Variants in TMEM132D observed in about 807,000 individuals in gnomAD.
TMEM132D encodes mature OL transmembrane protein.
In TMEM132D, 21 loss-of-function variants were observed where a neutral mutation model predicts 62.3. The ratio of observed to expected loss-of-function variants is 0.34; its 90% CI spans 0.24 to 0.49. The LOEUF is 0.49. Among genes scored for constraint, TMEM132D ranks in the 20% least tolerant of loss-of-function variants. The pLI is 0.99. For missense variants in TMEM132D, 1,346 were observed against 1,402.8 expected, an observed-to-expected ratio of 0.96 and a Z score of 0.65; for synonymous variants, 621 against 575.6, an observed-to-expected ratio of 1.08 and a Z score of -1.13.
chr12:129,478,528 T>A (rs1010358045), intron 3 of TMEM132D, among the ~76,000 whole-genome samples: 3 of 152,156 alleles, frequency 2.0e-5, no homozygotes, highest in African/African-American at 7.2e-5. Flanking sequence ...GGCCCTTGAT[T>A]TTTGGAACAG....
chr12:129,096,871 C>G (rs1171310325), intron 5 of TMEM132D, among the ~76,000 whole-genome samples: 1 of 152,180 alleles, frequency 6.6e-6, no homozygotes, highest in African/African-American at 2.4e-5. Flanking sequence ...TTTACACAAC[C>G]TCAAATTTCC....
chr12:129,244,368 A>G (rs1566009785), intron 4 of TMEM132D, among the ~76,000 whole-genome samples: 2 of 132,802 alleles, frequency 1.5e-5, no homozygotes, highest in Non-Finnish European at 3.2e-5. Context: ...CCTGGGCGAC[A>G]GAGCGAGACT....
At chr12:129,395,332 C>T (rs1216752371) in intron 3 of TMEM132D, among the ~76,000 whole-genome samples, 2 of 152,118 alleles carry the variant, frequency 1.3e-5, no homozygotes, top group Non-Finnish European at 2.9e-5. Context: ...ATACTCATAA[C>T]CTGAAGTCCA....
At chr12:129,357,270 A>G (rs1300072671) in intron 3 of TMEM132D, among the ~76,000 whole-genome samples, 3 of 149,388 alleles carry the variant, frequency 2.0e-5, no homozygotes, top group Non-Finnish European at 4.4e-5. Context: ...GAAAAGAAAG[A>G]AGGGAGGGAG....
At chr12:129,529,136 C>A (rs1876143281) in intron 3 of TMEM132D, among the ~76,000 whole-genome samples, 1 of 152,136 alleles carries the variant, frequency 6.6e-6, no homozygotes, top group African/African-American at 2.4e-5. Flanking sequence ...GAAACATATC[C>A]TGGCCTCCAG....
intron 1 of TMEM132D, among the ~76,000 whole-genome samples, chr12:129,717,687 TATTAA>T (rs1306297097): frequency 4.7e-5 from 7 of 150,448 alleles, no homozygotes; most frequent in African/African-American, 1.5e-4. Context: ...TTTAATATTT[TATTAA>T]ATTAAAATAA....
intron 5 of TMEM132D, among the ~76,000 whole-genome samples, chr12:129,178,882 C>G (rs1337604106): frequency 3.3e-5 from 5 of 152,160 alleles, no homozygotes; most frequent in African/African-American, 1.2e-4. Flanking sequence ...AAAGGAACAC[C>G]AGCAGATGTA....
intron 4 of TMEM132D, chr12:129,212,276 G>A (rs1879077004): frequency 6.6e-6 from 1 of 152,198 alleles, no homozygotes; most frequent in African/African-American, 2.4e-5. Context: ...CTTTTTCTCT[G>A]AATAGCATAC....
chr12:129,446,764 C>T (rs7956859), intron 3 of TMEM132D, among the ~76,000 whole-genome samples: 2,718 of 152,210 alleles, frequency 0.018, 88 homozygotes, highest in African/African-American at 0.062. Flanking sequence ...TTTGATTTTT[C>T]ACAATTTCCC....
chr12:129,220,289 T>C (rs549984576), intron 4 of TMEM132D, among the ~76,000 whole-genome samples: 3 of 152,076 alleles, frequency 2.0e-5, no homozygotes, highest in African/African-American at 7.2e-5. Context: ...TAGAACCTCA[T>C]TGCCTCTCCC....
chr12:129,774,494 TG>T (rs1240725419), intron 1 of TMEM132D, among the ~76,000 whole-genome samples: 2 of 152,094 alleles, frequency 1.3e-5, no homozygotes, highest in Non-Finnish European at 2.9e-5. Flanking sequence ...ATCAAGCAGG[TG>T]GGGGGCCCGT....
intron 2 of TMEM132D, among the ~76,000 whole-genome samples, chr12:129,610,919 C>A (rs1878758956): frequency 6.6e-6 from 1 of 152,128 alleles, no homozygotes; most frequent in Admixed American, 6.5e-5. Flanking sequence ...ACAGACAGAT[C>A]AAGGCACTGG....
Position 129,253,644 on chromosome 12 carries a change from T to C in TMEM132D, c.1300-43981A>G, listed in dbSNP as rs541571766. On this transcript the variant is annotated intron_variant, in intron 4 of 8. Coordinates refer to ENST00000422113, the MANE Select transcript of TMEM132D (RefSeq NM_133448.3). ...AGCCAGCAGTGAGTTTTCTCCTCCATGTCTCAACTGAACTCAGCATCTTGC... is the reference window on the plus strand; with the variant it reads ...AGCCAGCAGTGAGTTTTCTCCTCCACGTCTCAACTGAACTCAGCATCTTGC... Among the ~76,000 whole-genome samples, 13 of 152,358 alleles carry C rather than the reference T, an allele frequency of 8.5e-5. No individual in the cohort carries two copies. The South Asian group carries it at 2.5e-3, about 29-fold the overall frequency.
At chr12:129,866,060 T>C (rs1874048524) in intron 1 of TMEM132D, among the ~76,000 whole-genome samples, 1 of 152,170 alleles carries the variant, frequency 6.6e-6, no homozygotes, top group African/African-American at 2.4e-5. Context: ...CCACACCCCC[T>C]GGGTTTAAAA....
At chr12:129,492,312 A>C (rs1338485142) in intron 3 of TMEM132D, among the ~76,000 whole-genome samples, 2 of 152,204 alleles carry the variant, frequency 1.3e-5, no homozygotes, top group Admixed American at 1.3e-4. Flanking sequence ...TTTCCTGAAA[A>C]GCAATTAATT....
chr12:129,224,894 A>G (rs1879440768), intron 4 of TMEM132D, among the ~76,000 whole-genome samples: 1 of 152,186 alleles, frequency 6.6e-6, no homozygotes, highest in African/African-American at 2.4e-5. Context: ...AGCAAACTCA[A>G]GGCCCAACTC....
chr12:129,420,943 G>A lies in TMEM132D; in HGVS notation c.1116-83126C>T, dbSNP rs188151834. ...TCTACTTTTATTTATCTAACAGTCC[G>A]AGCTGTTGGTAGATCTACCTTTTTT... On this transcript the variant is annotated intron_variant, in intron 3 of 8. Coordinates refer to ENST00000422113, the MANE Select transcript of TMEM132D (RefSeq NM_133448.3). 2.5e-3 allele frequency among the ~76,000 whole-genome samples: 377 copies of A among 150,616 alleles called. 1 individual carries two copies. Among genetic ancestry groups the A allele is most frequent in the South Asian group, 2.7e-3 (13 of 4,768 alleles).
intron 2 of TMEM132D, among the ~76,000 whole-genome samples, chr12:129,647,798 AGCATCC>A (rs1879826391): frequency 6.6e-6 from 1 of 152,140 alleles, no homozygotes; most frequent in African/African-American, 2.4e-5. Flanking sequence ...AAGATCTTTA[AGCATCC>A]TGGGTAATAA....
At chr12:129,142,981 T>C (rs376496082) in intron 5 of TMEM132D, among the ~76,000 whole-genome samples, 75 of 152,222 alleles carry the variant, frequency 4.9e-4, no homozygotes, top group African/African-American at 1.7e-3. Context: ...TCCTCTGCTC[T>C]AATCAAAACA....
Sources: allele counts gnomAD v4.1 joint callset (sites outside exome capture counted in the v4.1 genomes callset), GRCh38; gene constraint gnomAD v4.1.1; transcripts MANE v1.5; gene names NCBI Gene and HGNC (gene_info 2026-07-23, HGNC 2026-07-21).